CNTNAP4: variants seen among roughly 807,000 people sequenced by gnomAD.
CNTNAP4 encodes contactin-associated protein-like 4.
Under a neutral mutation model 148.4 loss-of-function variants are expected in CNTNAP4, and 98 were observed. That is an observed-to-expected ratio of 0.66 (90% CI 0.56 to 0.78). The LOEUF (loss-of-function observed/expected upper bound fraction) is 0.78. Among genes scored for constraint, CNTNAP4 ranks in the 30% least tolerant of loss-of-function variants. The pLI is 0.00. For missense variants in CNTNAP4, 1,935 were observed against 1,565.6 expected (o/e 1.24, Z -3.98); for synonymous variants, 730 against 565.1 (o/e 1.29, Z -4.14).
At chr16:76,330,650 G>C (rs1218066678) in intron 2 of CNTNAP4, among the ~76,000 whole-genome samples, 1 of 152,202 alleles carries the variant, frequency 6.6e-6, no homozygotes, top group Admixed American at 6.5e-5. Context: ...TAACAGTATA[G>C]TTTCTCTTAG....
At chr16:76,464,696 A>G (rs1460209304) in intron 9 of CNTNAP4, among the ~76,000 whole-genome samples, 4 of 152,102 alleles carry the variant, frequency 2.6e-5, no homozygotes, top group African/African-American at 9.7e-5. Context: ...ACTCTTTACC[A>G]GTCTTGACAG....
chr16:76,553,388 T>A lies in CNTNAP4; in HGVS notation c.3548T>A (p.Leu1183Gln), dbSNP rs1212984834. 13 of 1,612,854 alleles carry A rather than the reference T, an allele frequency of 8.1e-6. No individual in the cohort carries two copies. The highest frequency in any genetic ancestry group is 1.1e-5 in the Non-Finnish European group (13 of 1,179,332). Residue 1183 changes from leucine to glutamine, a missense_variant, in exon 22 of 24, where the codon CTG (leucine) becomes CAG (glutamine). Transcript: ENST00000611870. ...LSHVAPLKAALHPSHPDPVTV... is the reference protein window; with the variant it reads ...LSHVAPLKAAQHPSHPDPVTV... Reference sequence around the variant, plus strand: ...CACGTGGCCCCTCTGAAGGCAGCTCTGCACCCCAGCCACCCAGACCCTGTC... The same window carrying A: ...CACGTGGCCCCTCTGAAGGCAGCTCAGCACCCCAGCCACCCAGACCCTGTC...
chr16:76,449,892 T>A, intron 7 of CNTNAP4, 34 bp downstream of exon 7: 1 of 1,551,704 alleles, frequency 6.4e-7, no homozygotes, highest in Non-Finnish European at 8.7e-7. Context: ...TTAGTAAAAC[T>A]ATATTTCTTT....
Position 76,448,959 on chromosome 16 carries a change from G to C in CNTNAP4, c.927+8G>C, listed in dbSNP as rs772055539. The C allele has an allele frequency of 1.2e-5, 20 of 1,610,072 alleles. No individual in the cohort carries two copies. Among genetic ancestry groups the C allele is most frequent in the Non-Finnish European group, 1.5e-5 (18 of 1,177,400 alleles). ...ATGAATCTTGATTATGAGGTGTGAT[G>C]GTTATGTTTCAATTAATGCTGATTT... On this transcript the variant is annotated splice_region_variant and intron_variant, in intron 6 of 23. Transcript: ENST00000611870.
intron 3 of CNTNAP4, among the ~76,000 whole-genome samples, chr16:76,387,664 C>T (rs1234576567): frequency 6.6e-6 from 1 of 151,932 alleles, no homozygotes; most frequent in Non-Finnish European, 1.5e-5. Flanking sequence ...AAATAATCAG[C>T]AAAGAAGAAA....
At chr16:76,390,369 C>A (rs1447327542) in intron 3 of CNTNAP4, among the ~76,000 whole-genome samples, 1 of 152,110 alleles carries the variant, frequency 6.6e-6, no homozygotes, top group African/African-American at 2.4e-5. Flanking sequence ...GCCTTAGAGG[C>A]CTGTGTGAGC....
At chr16:76,518,046 T>C (rs767508513) in intron 15 of CNTNAP4, among the ~76,000 whole-genome samples, 12 of 152,166 alleles carry the variant, frequency 7.9e-5, no homozygotes, top group Non-Finnish European at 1.6e-4. Context: ...TTTACGTGAA[T>C]GACTATATGG....
intron 4 of CNTNAP4, among the ~76,000 whole-genome samples, chr16:76,428,852 G>A (rs1200449654): frequency 6.6e-6 from 1 of 152,070 alleles, no homozygotes; most frequent in Non-Finnish European, 1.5e-5. Flanking sequence ...ATTCCAAGCA[G>A]TTTACGATTC....
chr16:76,503,067 A>G (rs1240051594), intron 15 of CNTNAP4, among the ~76,000 whole-genome samples: 1 of 152,152 alleles, frequency 6.6e-6, no homozygotes, highest in Non-Finnish European at 1.5e-5. Flanking sequence ...TATTGTTGAT[A>G]TCAGAAATCA....
At chr16:76,371,622 G>T (rs2014834684) in intron 3 of CNTNAP4, among the ~76,000 whole-genome samples, 1 of 152,038 alleles carries the variant, frequency 6.6e-6, no homozygotes, top group Admixed American at 6.6e-5. Flanking sequence ...ACACACACTT[G>T]GTATGCAAAG....
intron 1 of CNTNAP4, among the ~76,000 whole-genome samples, chr16:76,284,357 G>A (rs892152180): frequency 1.3e-5 from 2 of 151,858 alleles, no homozygotes; most frequent in Non-Finnish European, 2.9e-5. Flanking sequence ...TTGAGTTGTA[G>A]CATCAAATGC....
At chr16:76,415,089 G>T (rs1205804972) in intron 3 of CNTNAP4, among the ~76,000 whole-genome samples, 1 of 150,828 alleles carries the variant, frequency 6.6e-6, no homozygotes, top group East Asian at 1.9e-4. Context: ...TCCAAAATTC[G>T]GGATAAACAC....
intron 3 of CNTNAP4, among the ~76,000 whole-genome samples, chr16:76,414,461 C>G (rs547489700): frequency 3.2e-4 from 49 of 151,186 alleles, no homozygotes; most frequent in African/African-American, 1.1e-3. Flanking sequence ...GATTGGCATT[C>G]ATGGGTAAGA....
intron 3 of CNTNAP4, among the ~76,000 whole-genome samples, chr16:76,394,928 T>G (rs1040515007): frequency 6.6e-6 from 1 of 152,180 alleles, no homozygotes; most frequent in African/African-American, 2.4e-5. Flanking sequence ...TAGGGCTCTG[T>G]GACTCCTCTT....
intron 3 of CNTNAP4, among the ~76,000 whole-genome samples, chr16:76,426,636 T>C (rs918508317): frequency 2.0e-5 from 3 of 152,192 alleles, no homozygotes; most frequent in Non-Finnish European, 2.9e-5. Flanking sequence ...CTACCTATTA[T>C]GTCGATGCAT....
intron 2 of CNTNAP4, among the ~76,000 whole-genome samples, chr16:76,322,793 C>T (rs1962558646): frequency 6.6e-6 from 1 of 152,002 alleles, no homozygotes; most frequent in Non-Finnish European, 1.5e-5. Flanking sequence ...CTCCACAGAA[C>T]TGTGCTGGAA....
intron 3 of CNTNAP4, among the ~76,000 whole-genome samples, chr16:76,386,385 A>C (rs186476151): frequency 6.6e-6 from 1 of 152,128 alleles, no homozygotes; most frequent in Non-Finnish European, 1.5e-5. Context: ...CACATTTTTT[A>C]AAAAAATTTG....
At chr16:76,335,478 A>G (rs542799842) in intron 2 of CNTNAP4, among the ~76,000 whole-genome samples, 10 of 152,154 alleles carry the variant, frequency 6.6e-5, no homozygotes, top group African/African-American at 1.7e-4. Flanking sequence ...CATCCCTTTT[A>G]TCCCTTTCCT....
chr16:76,314,601 C>G (rs1961500766), intron 1 of CNTNAP4, among the ~76,000 whole-genome samples: 1 of 152,148 alleles, frequency 6.6e-6, no homozygotes, highest in African/African-American at 2.4e-5. Flanking sequence ...TGCTTTTGTT[C>G]TCAAATTATT....
Sources: allele counts gnomAD v4.1 joint callset (sites outside exome capture counted in the v4.1 genomes callset), GRCh38; gene constraint gnomAD v4.1.1; transcripts MANE v1.5; gene names NCBI Gene and HGNC (gene_info 2026-07-23, HGNC 2026-07-21).